DDX51: variants seen among roughly 807,000 people sequenced by gnomAD.
DDX51 encodes the protein ATP-dependent RNA helicase DDX51.
A neutral mutation model predicts 74.6 loss-of-function variants in DDX51; 67 were observed. The ratio of observed to expected loss-of-function variants is 0.90; its 90% CI spans 0.74 to 1.10. The LOEUF is 1.10. DDX51 is among the 50% of genes least tolerant of loss of function. The pLI is 0.00. For missense variants in DDX51, 1,056 were observed against 905.2 expected (o/e 1.17, Z -2.14); for synonymous variants, 545 against 402.9 (o/e 1.35, Z -4.22).
chr12:132,141,530 G>A lies in DDX51; in HGVS notation c.1072C>T (p.Pro358Ser). Residue 358 changes from proline (P) to serine (S), a missense_variant, in exon 7 of 15, where the codon CCA (proline) becomes TCA (serine). Pro to Ser is a moderately conservative substitution (Grantham distance 74). Coordinates refer to ENST00000397333, the MANE Select transcript of DDX51 (RefSeq NM_175066.4). ...GRLVDHIDQT[P>S]GFSLQQLRFL... The stretch of plus-strand genomic sequence containing the variant: ...CGGAGCTGCTGGAGGCTGAATCCTG[G>A]GGTCTGGTCGATGTGGTCCACCAGG... 2.5e-6 allele frequency: 4 copies of A among 1,602,600 alleles called. No individual in the cohort carries two copies. The highest frequency in any genetic ancestry group is 3.4e-6 in the Non-Finnish European group (4 of 1,177,280).
chr12:132,140,894 C>T lies in DDX51; in HGVS notation c.1377G>A (p.Arg459=), dbSNP rs1204831949. 1.2e-6 allele frequency: 2 copies of T among 1,613,406 alleles called. No homozygotes were observed. Among genetic ancestry groups the T allele is most frequent in the East Asian group, 2.2e-5 (1 of 44,902 alleles). ...CGTCCCCATCTGTATCTTCCAGGCC[C>T]CTGTGTGCTAGCCCTGTGGAGAAAA... is the stretch of plus-strand genomic sequence containing the variant. ...PRLFSTGLAH[R]GLEDTDGDGD... Residue 459 remains arginine (R), a synonymous_variant, in exon 9 of 15, where the codon AGG becomes AGA. Coordinates refer to ENST00000397333, the MANE Select transcript of DDX51 (RefSeq NM_175066.4).
intron 8 of DDX51, 74 bp from the exon 9 acceptor site, chr12:132,141,094 G>A: frequency 1.3e-6 from 2 of 1,528,196 alleles, no homozygotes; most frequent in Non-Finnish European, 1.8e-6. Flanking sequence ...GATTCCTCAT[G>A]CTACGCACTG....
rs750711585 is a variant in DDX51, at chr12:132,142,194, A to AG, written c.817-5dup. The AG allele has an allele frequency of 1.0e-5, 16 of 1,571,004 alleles. No individual in the cohort carries two copies. Among genetic ancestry groups the AG allele is most frequent in the African/African-American group, 1.4e-5 (1 of 73,844 alleles). ...AGACCACTCTCGAAAGCAGGGCCTG[A>AG]GGGGGAAGGAGCGCCTGCGTCAGCA... On this transcript the variant is annotated splice_polypyrimidine_tract_variant and splice_region_variant and intron_variant, in intron 4 of 14. Transcript: ENST00000397333.
At chr12:132,140,770 G>A (rs750322812) in intron 9 of DDX51, 35 bp from the exon 10 acceptor site, 1 of 1,612,962 alleles carries the variant, frequency 6.2e-7, no homozygotes. Flanking sequence ...GTGGAGGTGA[G>A]GGTTGGTTAG....
chr12:132,141,343 C>T lies in DDX51; in HGVS notation c.1182G>A (p.Gln394=). ...CACAGGGGTCCGCGGGGTCCTCGCT[C>T]TGGAAGGCGGCCGCCACCACCCGCG... is the stretch of plus-strand genomic sequence containing the variant. ...WLPRVVAAAF[Q]SEDPADPCAL... The change falls in exon 8 of 15, where the codon CAG becomes CAA. Residue 394 remains glutamine, a synonymous_variant. Coordinates refer to ENST00000397333, the MANE Select transcript of DDX51 (RefSeq NM_175066.4). 2 of 1,598,724 alleles carry T rather than the reference C, an allele frequency of 1.3e-6. No homozygotes were observed. The highest frequency in any genetic ancestry group is 1.1e-5 in the South Asian group (1 of 91,026).
intron 14 of DDX51, 34 bp from the exon 15 acceptor site, chr12:132,139,332 A>G: frequency 6.2e-7 from 1 of 1,602,112 alleles, no homozygotes; most frequent in Non-Finnish European, 8.5e-7. Context: ...AGCACCACAC[A>G]CTCTGTCCCC....
chr12:132,139,813 C>T, intron 13 of DDX51, 44 bp from the exon 14 acceptor site: 1 of 1,612,892 alleles, frequency 6.2e-7, no homozygotes, highest in South Asian at 1.1e-5. Context: ...GGGCCAGCCC[C>T]TTAACACCCA....
chr12:132,139,275 GGCC>G lies in DDX51; in HGVS notation c.1995_1997del (p.Ala666del), dbSNP rs1423328911. 6.2e-7 allele frequency: 1 copy of G among 1,608,638 alleles called. No homozygotes were observed. The highest frequency in any genetic ancestry group is 8.5e-7 in the Non-Finnish European group (1 of 1,178,866). On this transcript the variant is annotated inframe_deletion, in exon 15 of 15. Coordinates refer to ENST00000397333, the MANE Select transcript of DDX51 (RefSeq NM_175066.4). ...CTCCGGCCCTCTGAGCCCCAGCCTA[GGCC>G]GCCCTCTGCTTGCGCTCTTCCTGTG...
rs1336275865 is a variant in DDX51, at chr12:132,144,082, C to T, written c.215G>A (p.Arg72Gln). ...PATRRRRRPR[R>Q]RRRVNDAEPG... Reference sequence around the variant, plus strand: ...CTCCGCGTCGTTCACCCGCCGCCGCCGCCGGGGCCGCCGTCGCCTCCTGGT... The same window carrying T: ...CTCCGCGTCGTTCACCCGCCGCCGCTGCCGGGGCCGCCGTCGCCTCCTGGT... Residue 72 changes from arginine (R) to glutamine (Q), a missense_variant, in exon 1 of 15, where the codon CGG (arginine) becomes CAG (glutamine). Transcript: ENST00000397333. The T allele has an allele frequency of 8.1e-6, 10 of 1,234,156 alleles. No individual in the cohort carries two copies. Among genetic ancestry groups the T allele is most frequent in the Non-Finnish European group, 2.0e-6 (2 of 990,308 alleles). 76.5% of individuals were successfully genotyped at this position (1,234,156 alleles called of 1,614,324 possible). A position where few individuals can be genotyped will look rare whatever the true frequency, so the allele number is the denominator to read the frequency against.
At position 132,144,098 on chromosome 12, in the gene DDX51, GCCT is replaced by G; in HGVS notation, c.196_198del (p.Arg69del). On this transcript the variant is annotated inframe_deletion, in exon 1 of 15. Coordinates refer to ENST00000397333, the MANE Select transcript of DDX51 (RefSeq NM_175066.4). ...CGCCGCCGCCGCCGGGGCCGCCGTC[GCCT>G]CCTGGTCGCCGGCTCGGTCGATGCA... 4 of 1,226,566 alleles carry G rather than the reference GCCT, an allele frequency of 3.3e-6. No homozygotes were observed. The highest frequency in any genetic ancestry group is 4.1e-6 in the Non-Finnish European group (4 of 985,558). 76.0% of individuals were successfully genotyped at this position (1,226,566 alleles called of 1,614,324 possible).
intron 11 of DDX51, 90 bp downstream of exon 11, chr12:132,140,333 C>A: frequency 6.4e-7 from 1 of 1,570,166 alleles, no homozygotes; most frequent in Non-Finnish European, 8.7e-7. Context: ...AGCCAATTTG[C>A]AGAAGGAAGC....
chr12:132,141,476 G>A (rs764905752), intron 7 of DDX51, 22 bp downstream of exon 7: 20 of 1,581,326 alleles, frequency 1.3e-5, no homozygotes, highest in African/African-American at 2.7e-5. Flanking sequence ...TCAAAGCCCA[G>A]GCCCCTGGGG....
chr12:132,143,590 C>G (rs1360090996), intron 2 of DDX51, 105 bp downstream of exon 2: 1 of 1,432,422 alleles, frequency 7.0e-7, no homozygotes, highest in Non-Finnish European at 9.4e-7. Context: ...CGGCTGTGAC[C>G]CGGGAACATT....
chr12:132,143,541 A>G (rs1289669165), intron 2 of DDX51, 154 bp downstream of exon 2: 2 of 989,638 alleles, frequency 2.0e-6, no homozygotes, highest in African/African-American at 3.4e-5. Flanking sequence ...CAGGATCCAG[A>G]CCCCTAGGCG....
Position 132,141,860 on chromosome 12 carries a change from C to T in DDX51, c.985G>A (p.Val329Ile), listed in dbSNP as rs750410878. The T allele has an allele frequency of 2.3e-5, 37 of 1,612,980 alleles. No homozygotes were observed. Among genetic ancestry groups the T allele is most frequent in the African/African-American group, 6.7e-5 (5 of 74,940 alleles). The change falls in exon 6 of 15, where the codon GTC becomes ATC. Residue 329 changes from valine to isoleucine, a missense_variant. Coordinates refer to ENST00000397333, the MANE Select transcript of DDX51 (RefSeq NM_175066.4). The stretch of plus-strand genomic sequence containing the variant: ...CCTGACACAACCTACGTTTTCTGGA[C>T]GAGGCTCTCCTGCTCCTTGGCCAGA... Reference protein sequence around the residue: ...KSLAKEQESLVQKTADGYRCL... With the variant: ...KSLAKEQESLIQKTADGYRCL...
Position 132,141,785 on chromosome 12 carries a change from G to C in DDX51, c.995+65C>G. ...GTGGCCCCTCCTCTGCTCCCACGGT[G>C]CCTCAGGCCACCTGCAGGGCTGAGC... On this transcript the variant is annotated intron_variant, in intron 6 of 14. Transcript: ENST00000397333. The C allele has an allele frequency of 2.6e-6, 4 of 1,564,456 alleles. 1 individual carries two copies. The South Asian group carries it at 4.5e-5, about 17-fold the overall frequency.
chr12:132,143,281 C>G (rs1370541752), intron 2 of DDX51: 3 of 403,662 alleles, frequency 7.4e-6, no homozygotes, highest in African/African-American at 4.2e-5. Flanking sequence ...ACCTAAGGTG[C>G]CCGAGCACTC....
chr12:132,143,952 C>T, intron 1 of DDX51, 41 bp downstream of exon 1: 2 of 1,468,964 alleles, frequency 1.4e-6, no homozygotes. Flanking sequence ...AGCACCGAGT[C>T]GCCGGCGCCC....
At chr12:132,142,000 A>G in intron 5 of DDX51, 44 bp from the exon 6 acceptor site, 1 of 1,609,398 alleles carries the variant, frequency 6.2e-7, no homozygotes, top group Non-Finnish European at 8.5e-7. Context: ...GCTGGTGTCC[A>G]CCTACTGCAG....
Sources: gnomAD v4.1 joint callset for allele counts on GRCh38, gnomAD v4.1.1 for gene constraint, MANE v1.5 for transcripts, NCBI Gene and HGNC (gene_info 2026-07-23, HGNC 2026-07-21) for gene names.